The following COMMD10 variants were observed in gnomAD, a reference collection of about 807,000 sequenced individuals.
The protein encoded by COMMD10 is COMM domain-containing protein 10.
A neutral mutation model predicts 28.9 loss-of-function variants in COMMD10; 33 were observed. The ratio of observed to expected loss-of-function variants is 1.14; its 90% confidence interval spans 0.87 to 1.53. COMMD10 has a LOEUF of 1.53. COMMD10 is among the 40% of genes most tolerant of loss of function. The pLI is 0.00. For missense variants in COMMD10, 310 were observed against 233.4 expected (o/e 1.33, Z -2.14); for synonymous variants, 110 against 81.7 (o/e 1.35, Z -1.87).
At chr5:116,218,359 T>C in intron 5 of COMMD10, 1 of 621,692 alleles carries the variant, frequency 1.6e-6, no homozygotes, top group South Asian at 1.5e-5. Flanking sequence ...CATGTGGGCT[T>C]TGGTGAGTCC....
At chr5:116,193,412 C>A (rs1748424949) in intron 5 of COMMD10, among the ~76,000 whole-genome samples, 1 of 152,138 alleles carries the variant, frequency 6.6e-6, no homozygotes, top group Non-Finnish European at 1.5e-5. Context: ...CTATCTGCTG[C>A]CTTCAGGAGA....
chr5:116,170,074 G>T (rs971118883), intron 5 of COMMD10, among the ~76,000 whole-genome samples: 18 of 152,142 alleles, frequency 1.2e-4, no homozygotes, highest in Admixed American at 1.2e-3. Context: ...TGACATGATT[G>T]TATATTTAGA....
At chr5:116,288,137 G>A (rs902897959) in intron 5 of COMMD10, among the ~76,000 whole-genome samples, 15 of 151,688 alleles carry the variant, frequency 9.9e-5, no homozygotes, top group Admixed American at 1.3e-4. Flanking sequence ...GAACTCCCAT[G>A]GCTTTTCTTT....
chr5:116,101,211 A>G (rs551467774), intron 4 of COMMD10, among the ~76,000 whole-genome samples: 1 of 152,254 alleles, frequency 6.6e-6, no homozygotes, highest in South Asian at 2.1e-4. Flanking sequence ...ACAGGAGTGC[A>G]AGTACCTTTT....
At chr5:116,116,814 G>T (rs1332456585) in intron 4 of COMMD10, among the ~76,000 whole-genome samples, 2 of 151,350 alleles carry the variant, frequency 1.3e-5, no homozygotes, top group African/African-American at 4.9e-5. Flanking sequence ...CGCTTCCCGG[G>T]TTCACGCCAT....
chr5:116,240,655 G>C (rs1357879469), intron 5 of COMMD10, among the ~76,000 whole-genome samples: 1 of 152,098 alleles, frequency 6.6e-6, no homozygotes, highest in East Asian at 1.9e-4. Flanking sequence ...GGTATCCTAG[G>C]CAAGAAATCA....
chr5:116,221,480 T>C (rs1320339757), intron 5 of COMMD10, among the ~76,000 whole-genome samples: 1 of 152,160 alleles, frequency 6.6e-6, no homozygotes, highest in East Asian at 1.9e-4. Context: ...AGTCCCTTAA[T>C]CTTATTACTG....
intron 5 of COMMD10, among the ~76,000 whole-genome samples, chr5:116,145,793 C>G (rs905812924): frequency 6.6e-6 from 1 of 151,808 alleles, no homozygotes; most frequent in South Asian, 2.1e-4. Flanking sequence ...GGGCTCTTAC[C>G]CCTTTGCTCA....
At chr5:116,189,601 T>C (rs1298930521) in intron 5 of COMMD10, among the ~76,000 whole-genome samples, 1 of 152,152 alleles carries the variant, frequency 6.6e-6, no homozygotes, top group Non-Finnish European at 1.5e-5. Flanking sequence ...CTAGTACAAT[T>C]CTCTTGGAAA....
chr5:116,145,554 A>C (rs932246873), intron 5 of COMMD10, among the ~76,000 whole-genome samples: 6 of 151,816 alleles, frequency 4.0e-5, no homozygotes, highest in Non-Finnish European at 5.9e-5. Flanking sequence ...GTAAGTGATG[A>C]GAGGGAGAAA....
intron 5 of COMMD10, among the ~76,000 whole-genome samples, chr5:116,179,091 A>G (rs1379395927): frequency 1.3e-5 from 2 of 151,374 alleles, no homozygotes; most frequent in African/African-American, 2.4e-5. Context: ...AAAGAGAACC[A>G]TTATGTTATC....
chr5:116,120,818 C>T (rs1414617483), intron 4 of COMMD10, among the ~76,000 whole-genome samples: 1 of 151,266 alleles, frequency 6.6e-6, no homozygotes, highest in African/African-American at 2.4e-5. Flanking sequence ...ATCTGTTCAC[C>T]TGTTTGTGGA....
intron 5 of COMMD10, among the ~76,000 whole-genome samples, chr5:116,254,279 T>A (rs1256933189): frequency 2.0e-5 from 3 of 152,094 alleles, no homozygotes; most frequent in African/African-American, 7.2e-5. Context: ...TTGAAGGTTT[T>A]TTTGTGTCTG....
At chr5:116,207,956 C>G (rs1748858438) in intron 5 of COMMD10, among the ~76,000 whole-genome samples, 1 of 152,122 alleles carries the variant, frequency 6.6e-6, no homozygotes, top group South Asian at 2.1e-4. Flanking sequence ...CCTTCATATT[C>G]CTGCTATTAT....
chr5:116,231,353 TA>T (rs1190587267), intron 5 of COMMD10, among the ~76,000 whole-genome samples: 1 of 152,162 alleles, frequency 6.6e-6, no homozygotes, highest in African/African-American at 2.4e-5. Context: ...TTTATAAAAG[TA>T]TGCAATACTA....
chr5:116,127,790 G>A (rs1436593615), intron 4 of COMMD10, among the ~76,000 whole-genome samples: 1 of 152,108 alleles, frequency 6.6e-6, no homozygotes. Context: ...GTGGGGGGAA[G>A]GAGGAGGGAT....
intron 4 of COMMD10, among the ~76,000 whole-genome samples, chr5:116,116,578 T>A (rs1302893923): frequency 6.6e-6 from 1 of 152,234 alleles, no homozygotes; most frequent in South Asian, 2.1e-4. Context: ...AGTTTCGGTA[T>A]GTTATGTAAA....
chr5:116,265,698 T>G (rs1455986461), intron 5 of COMMD10, among the ~76,000 whole-genome samples: 16 of 151,780 alleles, frequency 1.1e-4, no homozygotes, highest in Non-Finnish European at 5.9e-5. Flanking sequence ...CAATAAGTCC[T>G]CATATTGCTG....
chr5:116,260,973 C>T (rs1457385008), intron 5 of COMMD10, among the ~76,000 whole-genome samples: 2 of 151,556 alleles, frequency 1.3e-5, no homozygotes, highest in African/African-American at 2.4e-5. Context: ...CAGATCTGTG[C>T]GATTGGTTTT....
Sources: allele counts gnomAD v4.1 joint callset (sites outside exome capture counted in the v4.1 genomes callset), GRCh38; gene constraint gnomAD v4.1.1; transcripts MANE v1.5; gene names NCBI Gene and HGNC (gene_info 2026-07-23, HGNC 2026-07-21).